Variants in HTT observed in about 807,000 individuals in gnomAD.
HTT encodes huntington disease protein.
Under a neutral mutation model 362.3 loss-of-function variants are expected in HTT, and 104 were observed. That is an observed-to-expected ratio of 0.29 (90% confidence interval 0.24 to 0.34). The LOEUF (loss-of-function observed/expected upper bound fraction) is 0.34. Among genes scored for constraint, HTT ranks in the 10% least tolerant of loss-of-function variants. The pLI is 1.00. For missense variants in HTT, 3,301 were observed against 3,928.6 expected (o/e 0.84, Z 4.27); for synonymous variants, 1,577 against 1,548.7 (o/e 1.02, Z -0.43).
intron 23 of HTT, among the ~76,000 whole-genome samples, chr4:3,143,265 C>T (rs1278318419): frequency 1.3e-5 from 2 of 151,754 alleles, no homozygotes; most frequent in East Asian, 1.9e-4. Flanking sequence ...GGTGAAACCC[C>T]ATCTCTACTA....
At chr4:3,107,555 C>T (rs1714497919) in intron 6 of HTT, 132 bp downstream of exon 6, 2 of 810,470 alleles carry the variant, frequency 2.5e-6, no homozygotes, top group South Asian at 3.5e-5. Flanking sequence ...ATTTAGACTA[C>T]CATCATTTGT....
Position 3,172,990 on chromosome 4 carries a change from C to A in HTT, c.4025C>A (p.Ala1342Glu). Reference protein sequence around the residue: ...SSNPSKSQGRAQRLGSSSVRP... With the variant: ...SSNPSKSQGREQRLGSSSVRP... Reference sequence around the variant, plus strand: ...AACCCCAGCAAGTCACAAGGCCGAGCACAGCGCCTTGGCTCCTCCAGTGTG... The same window carrying A: ...AACCCCAGCAAGTCACAAGGCCGAGAACAGCGCCTTGGCTCCTCCAGTGTG... The change falls in exon 31 of 67, where the codon GCA (alanine) becomes GAA (glutamate). Residue 1342 changes from alanine (A) to glutamate (E), a missense_variant. Physicochemically the swap from Ala to Glu is moderately radical, Grantham distance 107 (BLOSUM62 -1). Transcript: ENST00000355072. The A allele has an allele frequency of 6.2e-7, 1 of 1,614,208 alleles. No homozygotes were observed. The highest frequency in any genetic ancestry group is 8.5e-7 in the Non-Finnish European group (1 of 1,180,042).
At position 3,238,625 on chromosome 4, in the gene HTT, G is replaced by A. The variant is rs1324579783; in HGVS notation, c.9054+16G>A. The A allele has an allele frequency of 6.3e-7, 1 of 1,584,414 alleles. No individual in the cohort carries two copies. On this transcript the variant is annotated intron_variant, in intron 65 of 66. Coordinates refer to ENST00000355072, the MANE Select transcript of HTT (RefSeq NM_001388492.1). ...GGTGTATAAGGTGAGGTTGCATGTGGGATGGGGATGGAGTGGGAAAGCCTG... is the reference window on the plus strand; with the variant it reads ...GGTGTATAAGGTGAGGTTGCATGTGAGATGGGGATGGAGTGGGAAAGCCTG...
At chr4:3,171,472 CTTTT>C (rs11408847) in intron 29 of HTT, among the ~76,000 whole-genome samples, 1 of 133,002 alleles carries the variant, frequency 7.5e-6, no homozygotes. Context: ...TTTCTTGATT[CTTTT>C]TTTTTTTTTT....
intron 48 of HTT, 77 bp downstream of exon 48, chr4:3,212,219 A>G: frequency 8.9e-7 from 1 of 1,122,118 alleles, no homozygotes; most frequent in Non-Finnish European, 1.3e-6. Context: ...AAGTAAATGT[A>G]CAATAAAGGC....
chr4:3,115,809 G>A (rs1400728867), intron 7 of HTT, among the ~76,000 whole-genome samples: 1 of 152,220 alleles, frequency 6.6e-6, no homozygotes, highest in Non-Finnish European at 1.5e-5. Flanking sequence ...TTGGGTAACT[G>A]TGGAAACGAA....
intron 40 of HTT, among the ~76,000 whole-genome samples, chr4:3,191,026 A>G (rs1718988776): frequency 6.6e-6 from 1 of 152,212 alleles, no homozygotes; most frequent in African/African-American, 2.4e-5. Context: ...CCTTGATATT[A>G]AAAAGGTTCT....
rs188693250 is a variant in HTT at position 3,126,799 on chromosome 4, G to A, written c.1403-465G>A. 9.8e-5 allele frequency among the ~76,000 whole-genome samples: 15 copies of A among 152,312 alleles called. No homozygotes were observed. The East Asian group carries it at 2.9e-3, about 29-fold the overall frequency. The stretch of plus-strand genomic sequence containing the variant: ...GTTTATCTTCCAGGAGAATAGGACT[G>A]GAGTCGAGATCTTGAATGTGGCTTG... On this transcript the variant is annotated intron_variant, in intron 11 of 66. Coordinates refer to ENST00000355072, the MANE Select transcript of HTT (RefSeq NM_001388492.1).
In HTT at chr4:3,242,284, C is replaced by T. The variant is rs995624748; in HGVS notation, c.*2225C>T. 6.6e-6 allele frequency: 1 copy of T among 152,206 alleles called. No homozygotes were observed. The highest frequency in any genetic ancestry group is 2.4e-5 in the African/African-American group (1 of 41,428). The allele number at this position is 152,206 out of a possible 1,614,324, so 9.4% of individuals were successfully genotyped here. On this transcript the variant is annotated 3_prime_UTR_variant, in exon 67 of 67. Coordinates refer to ENST00000355072, the MANE Select transcript of HTT (RefSeq NM_001388492.1). ...TCCTTAGCAAGGGGCTCAGAACACC[C>T]CGCTCTGGCAGTAGGTGTCCCCCAC...
intron 49 of HTT, chr4:3,212,984 AAAT>A: frequency 2.5e-6 from 1 of 393,734 alleles, no homozygotes. Context: ...GAGACATGAA[AAAT>A]AATCATCTGG....
At chr4:3,121,596 C>G (rs1282889143) in intron 9 of HTT, 164 bp downstream of exon 9, 7 of 547,868 alleles carry the variant, frequency 1.3e-5, no homozygotes, top group Non-Finnish European at 2.3e-5. Context: ...GGGAGTTGGG[C>G]TGGGTGTGGT....
At chr4:3,142,714 A>C in intron 22 of HTT, 52 bp from the exon 23 acceptor site, 1 of 978,892 alleles carries the variant, frequency 1.0e-6, no homozygotes. Flanking sequence ...TTTGATCTTT[A>C]AAAATATATG....
rs372857387 is a variant in HTT, at chr4:3,120,657, G to A, written c.1069-571G>A. On this transcript the variant is annotated intron_variant, in intron 8 of 66. Transcript: ENST00000355072. Reference sequence around the variant, plus strand: ...CACATGTGAGGGGTCTAGGTTGTGCGCTCCTTATGAGAATCTAATGCCTGA... The same window carrying A: ...CACATGTGAGGGGTCTAGGTTGTGCACTCCTTATGAGAATCTAATGCCTGA... 1.2e-3 allele frequency among the ~76,000 whole-genome samples: 190 copies of A among 152,302 alleles called. 5 individuals carry two copies. In the South Asian group the frequency reaches 0.027, roughly 21 times the overall value.
chr4:3,229,081 A>G, intron 59 of HTT, 72 bp downstream of exon 59: 1 of 1,440,982 alleles, frequency 6.9e-7, no homozygotes, highest in East Asian at 2.5e-5. Context: ...CACCCCACAC[A>G]CACACACCGC....
At position 3,209,938 on chromosome 4, in the gene HTT, A is replaced by G. The variant is rs1157473726; in HGVS notation, c.6403A>G (p.Met2135Val). 1.9e-6 allele frequency: 3 copies of G among 1,613,986 alleles called. No individual in the cohort carries two copies. Among genetic ancestry groups the G allele is most frequent in the Non-Finnish European group, 1.7e-6 (2 of 1,179,902 alleles). ...TCCTGCTGAAGATATGAATGCCTTC[A>G]TGATGAACTCGGTACGGGGGGAGCA... ...RIPAEDMNAFMMNSEFNLSLL... is the reference protein window; with the variant it reads ...RIPAEDMNAFVMNSEFNLSLL... Residue 2135 changes from methionine to valine, a missense_variant, in exon 47 of 67, where the codon ATG (methionine) becomes GTG (valine). Met to Val is a conservative substitution (Grantham distance 21). Transcript: ENST00000355072.
intron 12 of HTT, chr4:3,129,441 G>A (rs1715689625): frequency 6.4e-6 from 1 of 155,308 alleles, no homozygotes. Flanking sequence ...GACATTTCAA[G>A]TGGACATGAA....
At chr4:3,195,686 C>T (rs1719217421) in intron 40 of HTT, among the ~76,000 whole-genome samples, 1 of 152,086 alleles carries the variant, frequency 6.6e-6, no homozygotes, top group Non-Finnish European at 1.5e-5. Flanking sequence ...ATTTCCATGG[C>T]TTCACACCAG....
chr4:3,208,563 C>T (rs1719979602), intron 45 of HTT, among the ~76,000 whole-genome samples: 2 of 152,078 alleles, frequency 1.3e-5, no homozygotes. Flanking sequence ...AAACTAGGGC[C>T]TGCATTTGTA....
chr4:3,205,889 A>T (rs955357132), intron 42 of HTT, among the ~76,000 whole-genome samples: 3 of 152,242 alleles, frequency 2.0e-5, no homozygotes, highest in Non-Finnish European at 4.4e-5. Flanking sequence ...AATCAAGATG[A>T]AAAGGCTCTG....
Sources: allele counts gnomAD v4.1 joint callset (sites outside exome capture counted in the v4.1 genomes callset), GRCh38; gene constraint gnomAD v4.1.1; transcripts MANE v1.5; gene names NCBI Gene and HGNC (gene_info 2026-07-23, HGNC 2026-07-21).